Variants in AKAP12 observed in about 807,000 individuals in gnomAD.
The protein encoded by AKAP12 is A-kinase anchor protein 12.
In AKAP12, 32 loss-of-function variants were observed where a neutral mutation model predicts 79.9. The observed-to-expected ratio is 0.40, with a 90% confidence interval of 0.30 to 0.54. AKAP12 has a LOEUF of 0.54. AKAP12 is among the 20% of genes least tolerant of loss of function. AKAP12 has a pLI of 0.48. For synonymous variants in AKAP12, 808 were observed against 857.0 expected (o/e 0.94, Z 1.00); for missense variants, 2,074 against 2,177.0 (o/e 0.95, Z 0.94).
At position 151,357,959 on chromosome 6, in the gene AKAP12, G is replaced by A. The variant is rs1476822565; in HGVS notation, c.*2245G>A. 1 of 152,110 alleles carries A rather than the reference G, an allele frequency of 6.6e-6. No individual in the cohort carries two copies. Among genetic ancestry groups the A allele is most frequent in the Non-Finnish European group, 1.5e-5 (1 of 68,020 alleles). The allele number at this position is 152,110 out of a possible 1,614,324, so 9.4% of individuals were successfully genotyped here. ...CTTTTCCTACCACCTGTGGCCAGGT[G>A]CTCGCTGGCCATCACAGTTGCGATT... On this transcript the variant is annotated 3_prime_UTR_variant, in exon 5 of 5. Coordinates refer to ENST00000402676, the MANE Select transcript of AKAP12 (RefSeq NM_005100.4).
chr6:151,277,942 T>TTA (rs753820051), intron 2 of AKAP12, among the ~76,000 whole-genome samples: 6 of 55,160 alleles, frequency 1.1e-4, no homozygotes, highest in South Asian at 1.0e-3. Context: ...GCTAATAGGT[T>TTA]TATGTGTGTG....
At chr6:151,325,695 C>T (rs1161348418) in intron 3 of AKAP12, 1 of 1,452,168 alleles carries the variant, frequency 6.9e-7, no homozygotes. Flanking sequence ...TGCGGCAGCT[C>T]CGAGGGCACC....
chr6:151,353,229 C>T lies in AKAP12; in HGVS notation c.4838C>T (p.Ser1613Leu). Residue 1613 changes from serine (S) to leucine (L), a missense_variant, in exon 4 of 5, where the codon TCA (serine) becomes TTA (leucine). By Grantham distance (145) the Ser-to-Leu change is moderately radical. Transcript: ENST00000402676. ...ASAQDETPIT[S>L]AKEESESTAV... ...GCACAGGATGAAACACCAATTACTTCAGCCAAAGAGGAGTCAGAGTCAACC... is the reference window on the plus strand; with the variant it reads ...GCACAGGATGAAACACCAATTACTTTAGCCAAAGAGGAGTCAGAGTCAACC... The T allele has an allele frequency of 6.2e-7, 1 of 1,614,180 alleles. No homozygotes were observed. The highest frequency in any genetic ancestry group is 8.5e-7 in the Non-Finnish European group (1 of 1,180,032).
chr6:151,298,619 C>A (rs1776788255), intron 2 of AKAP12, among the ~76,000 whole-genome samples: 1 of 151,774 alleles, frequency 6.6e-6, no homozygotes, highest in African/African-American at 2.4e-5. Flanking sequence ...CATGGTGAAA[C>A]CCCGTCTCTA....
chr6:151,353,305 A>G lies in AKAP12; in HGVS notation c.4914A>G (p.Ser1638=), dbSNP rs1297722103. ...TTTCCAAAGACATGAGTGAAGCCTC[A>G]GAAAAGACCATGACTGTTGAGGTAG... is the stretch of plus-strand genomic sequence containing the variant. ...SDISKDMSEA[S]EKTMTVEVEG... is the part of the protein sequence containing the mutation. The change falls in exon 4 of 5, where the codon TCA becomes TCG. Residue 1638 remains serine (S), a synonymous_variant. Coordinates refer to ENST00000402676, the MANE Select transcript of AKAP12 (RefSeq NM_005100.4). 6.2e-7 allele frequency: 1 copy of G among 1,614,116 alleles called. No individual in the cohort carries two copies. Among genetic ancestry groups the G allele is most frequent in the Non-Finnish European group, 8.5e-7 (1 of 1,180,044 alleles).
intron 2 of AKAP12, among the ~76,000 whole-genome samples, chr6:151,241,469 C>G (rs1222883782): frequency 6.6e-6 from 1 of 152,202 alleles, no homozygotes; most frequent in Non-Finnish European, 1.5e-5. Flanking sequence ...TAGAAGTTCT[C>G]AAAGGATGGG....
chr6:151,264,789 ACATCT>A (rs1384869377), intron 2 of AKAP12, among the ~76,000 whole-genome samples: 2 of 152,302 alleles, frequency 1.3e-5, no homozygotes, highest in African/African-American at 4.8e-5. Flanking sequence ...TTAGCTTCAA[ACATCT>A]CATTCATTTG....
At chr6:151,278,404 C>T (rs543729527) in intron 2 of AKAP12, among the ~76,000 whole-genome samples, 1 of 152,052 alleles carries the variant, frequency 6.6e-6, no homozygotes, top group African/African-American at 2.4e-5. Context: ...TTAGTAGAGA[C>T]AGGGTTTTGC....
chr6:151,278,956 C>T (rs534732169), intron 2 of AKAP12, among the ~76,000 whole-genome samples: 4 of 152,348 alleles, frequency 2.6e-5, no homozygotes, highest in South Asian at 2.1e-4. Context: ...CATGAGCCAC[C>T]GCGCCCGGCG....
chr6:151,321,655 A>G (rs551743082), intron 3 of AKAP12, among the ~76,000 whole-genome samples: 1 of 152,204 alleles, frequency 6.6e-6, no homozygotes, highest in African/African-American at 2.4e-5. Context: ...ACATTGATGG[A>G]CAAGTTTTTC....
chr6:151,351,728 G>C lies in AKAP12; in HGVS notation c.3337G>C (p.Gly1113Arg), dbSNP rs769258614. 6.2e-7 allele frequency: 1 copy of C among 1,614,112 alleles called. No homozygotes were observed. The highest frequency in any genetic ancestry group is 8.5e-7 in the Non-Finnish European group (1 of 1,180,022). Residue 1113 changes from glycine (G) to arginine (R), a missense_variant, in exon 4 of 5, where the codon GGG (glycine) becomes CGG (arginine). Physicochemically the swap from Gly to Arg is moderately radical, Grantham distance 125 (BLOSUM62 -2). Around this residue, in one of 3 missense-constraint regions of AKAP12, gnomAD observed 1,428 missense variants for 1,451.0 expected, o/e 0.98. Coordinates refer to ENST00000402676, the MANE Select transcript of AKAP12 (RefSeq NM_005100.4). The surrounding 1 kb of genome is among the most constrained non-coding windows in gnomAD (Gnocchi z 4.4). ...TEPFTQGKVV[G>R]QTTPESFEKA... ...GCCTTTTACACAAGGGAAGGTGGTGGGGCAGACCACCCCAGAAAGCTTTGA... is the reference window on the plus strand; with the variant it reads ...GCCTTTTACACAAGGGAAGGTGGTGCGGCAGACCACCCCAGAAAGCTTTGA...
intron 2 of AKAP12, among the ~76,000 whole-genome samples, chr6:151,293,902 A>T (rs796101806): frequency 7.2e-5 from 11 of 152,002 alleles, no homozygotes; most frequent in African/African-American, 1.9e-4. Flanking sequence ...TTAAGTAGAG[A>T]TGCATTTTCT....
intron 3 of AKAP12, among the ~76,000 whole-genome samples, chr6:151,315,946 C>T (rs1337179160): frequency 6.6e-6 from 1 of 152,138 alleles, no homozygotes; most frequent in Admixed American, 6.5e-5. Context: ...ATCATGAGAA[C>T]AGCATGAGGG....
intron 3 of AKAP12, among the ~76,000 whole-genome samples, chr6:151,315,777 A>T (rs1015259915): frequency 6.6e-6 from 1 of 152,210 alleles, no homozygotes. Flanking sequence ...ATTGACTCAC[A>T]GTTCTGCAGG....
intron 3 of AKAP12, among the ~76,000 whole-genome samples, chr6:151,344,822 C>T (rs1266219448): frequency 6.6e-6 from 1 of 152,158 alleles, no homozygotes; most frequent in African/African-American, 2.4e-5. Context: ...GGATGAGCCA[C>T]CTCGCCCAGC....
intron 3 of AKAP12, among the ~76,000 whole-genome samples, chr6:151,348,138 G>A (rs1321819613): frequency 6.7e-6 from 1 of 149,318 alleles, no homozygotes; most frequent in East Asian, 2.0e-4. Flanking sequence ...GGGTGACAGA[G>A]TGAGACTCCA....
At chr6:151,250,734 T>C in intron 2 of AKAP12, among the ~76,000 whole-genome samples, 1 of 150,710 alleles carries the variant, frequency 6.6e-6, no homozygotes, top group African/African-American at 2.4e-5. Flanking sequence ...GCCTCCCGAG[T>C]AGCTGGGACT....
chr6:151,341,607 C>A, intron 3 of AKAP12: 1 of 792,578 alleles, frequency 1.3e-6, no homozygotes, highest in Non-Finnish European at 1.6e-6. Flanking sequence ...GGCAGGGGCG[C>A]GCTGGGCCTC....
chr6:151,350,279 G>A lies in AKAP12; in HGVS notation c.1888G>A (p.Asp630Asn), dbSNP rs976026464. The change falls in exon 4 of 5, where the codon GAT becomes AAT. Residue 630 changes from aspartate (D) to asparagine (N), a missense_variant. Transcript: ENST00000402676. This position sits in a 1 kb window ranked among gnomAD's most constrained non-coding sequence, Gnocchi z 4.8. The stretch of plus-strand genomic sequence containing the variant: ...GCGTGTTAGACGGCCTTCGGAAAGT[G>A]ATAAAGAAGATGAGCTGGACAAGGT... ...KKRVRRPSES[D>N]KEDELDKVKS... is the part of the protein sequence containing the mutation. The A allele has an allele frequency of 1.9e-6, 3 of 1,613,960 alleles. No individual in the cohort carries two copies. Among genetic ancestry groups the A allele is most frequent in the African/African-American group, 1.3e-5 (1 of 74,892 alleles).
Sources: gnomAD v4.1 joint callset for allele counts (sites outside exome capture counted in the v4.1 genomes callset) on GRCh38, gnomAD v4.1.1 for gene constraint, gnomAD v4.1.1 regional missense constraint, Gnocchi (gnomAD v3.1) non-coding constraint, MANE v1.5 for transcripts, NCBI Gene and HGNC (gene_info 2026-07-23, HGNC 2026-07-21) for gene names.